EPHB1: variants seen among roughly 807,000 people sequenced by gnomAD.
The protein encoded by EPHB1 is EPH receptor B1, also known as ephrin type-B receptor 1.
Under a neutral mutation model 94.4 loss-of-function variants are expected in EPHB1, and 30 were observed. That is an observed-to-expected ratio of 0.32 (90% CI 0.24 to 0.43). The LOEUF (loss-of-function observed/expected upper bound fraction) is 0.43, where lower values mean the gene tolerates loss of function less well. Among genes scored for constraint, EPHB1 ranks in the 20% least tolerant of loss-of-function variants. The probability of loss-of-function intolerance (pLI) is 1.00; values close to 1 mark genes in which losing one functional copy is unlikely to be tolerated. For missense variants in EPHB1, 1,055 were observed against 1,308.3 expected (o/e 0.81, Z 2.99); for synonymous variants, 522 against 489.1 (o/e 1.07, Z -0.89).
At chr3:135,086,447 C>G (rs1301664030) in intron 3 of EPHB1, among the ~76,000 whole-genome samples, 1 of 151,698 alleles carries the variant, frequency 6.6e-6, no homozygotes, top group East Asian at 2.0e-4. Context: ...CACTCAGTCT[C>G]TCTCCTCACA....
chr3:135,038,925 G>T (rs891218401), intron 3 of EPHB1, among the ~76,000 whole-genome samples: 2 of 152,160 alleles, frequency 1.3e-5, no homozygotes, highest in African/African-American at 2.4e-5. Flanking sequence ...CTGATTGGTA[G>T]AGCCGAGTGG....
intron 2 of EPHB1, among the ~76,000 whole-genome samples, chr3:134,931,915 GTA>G (rs2107705108): frequency 6.6e-6 from 1 of 152,026 alleles, no homozygotes; most frequent in East Asian, 1.9e-4. Context: ...GTGTATATAT[GTA>G]TATGTGTGTA....
At chr3:135,226,810 C>T (rs1312244384) in intron 12 of EPHB1, among the ~76,000 whole-genome samples, 2 of 151,794 alleles carry the variant, frequency 1.3e-5, no homozygotes, top group Non-Finnish European at 2.9e-5. Context: ...AAAACCGATC[C>T]ATCATTTTCT....
intron 1 of EPHB1, among the ~76,000 whole-genome samples, chr3:134,855,081 T>G (rs537117142): frequency 9.2e-5 from 14 of 152,206 alleles, no homozygotes; most frequent in Non-Finnish European, 1.6e-4. Flanking sequence ...TTGACCTTAT[T>G]ATCCGTGGTG....
chr3:135,182,212 G>A (rs1942174049), intron 10 of EPHB1, among the ~76,000 whole-genome samples: 1 of 152,176 alleles, frequency 6.6e-6, no homozygotes, highest in Non-Finnish European at 1.5e-5. Flanking sequence ...CTGGTGTGAA[G>A]GTCAAATTGT....
intron 1 of EPHB1, among the ~76,000 whole-genome samples, chr3:134,900,573 C>T (rs1356742234): frequency 3.3e-5 from 5 of 152,108 alleles, no homozygotes; most frequent in Non-Finnish European, 7.4e-5. Context: ...CTTCCTCCTG[C>T]CCTCCTGCCT....
At chr3:134,986,711 AACAC>A (rs60628273) in intron 3 of EPHB1, among the ~76,000 whole-genome samples, 3,331 of 145,696 alleles carry the variant, frequency 0.023, 44 homozygotes, top group Non-Finnish European at 0.032. Flanking sequence ...TAAAGATATT[AACAC>A]ACACACACAC....
chr3:134,995,678 T>A (rs1934966182), intron 3 of EPHB1, among the ~76,000 whole-genome samples: 1 of 152,094 alleles, frequency 6.6e-6, no homozygotes, highest in African/African-American at 2.4e-5. Context: ...AAAACTGGAT[T>A]ACATCCATTG....
intron 3 of EPHB1, among the ~76,000 whole-genome samples, chr3:134,986,425 G>A (rs1198150030): frequency 6.6e-6 from 1 of 152,148 alleles, no homozygotes; most frequent in Non-Finnish European, 1.5e-5. Context: ...ATTGACATAT[G>A]TCTTGTCTGT....
chr3:134,882,777 T>C (rs918372333), intron 1 of EPHB1, among the ~76,000 whole-genome samples: 1 of 15,322 alleles, frequency 6.5e-5, no homozygotes, highest in African/African-American at 8.7e-5. Context: ...TTTCTTTCTT[T>C]CTTTCTTTCT....
chr3:135,220,453 G>C (rs1943249470), intron 12 of EPHB1, among the ~76,000 whole-genome samples: 1 of 152,116 alleles, frequency 6.6e-6, no homozygotes, highest in Non-Finnish European at 1.5e-5. Flanking sequence ...TTCTAATATT[G>C]CTCACTTAGA....
chr3:134,825,799 G>A (rs1460041985), intron 1 of EPHB1, among the ~76,000 whole-genome samples: 7 of 152,072 alleles, frequency 4.6e-5, no homozygotes, highest in Non-Finnish European at 8.8e-5. Context: ...ATCCTTTCAC[G>A]ATCCTTTTCT....
At chr3:135,000,319 G>T (rs1233729406) in intron 3 of EPHB1, among the ~76,000 whole-genome samples, 1 of 152,190 alleles carries the variant, frequency 6.6e-6, no homozygotes, top group East Asian at 1.9e-4. Context: ...AGGTGATGAG[G>T]CATCATCTCT....
At chr3:134,947,537 CA>C (rs1277107366) in intron 2 of EPHB1, among the ~76,000 whole-genome samples, 2 of 152,164 alleles carry the variant, frequency 1.3e-5, no homozygotes, top group African/African-American at 4.8e-5. Context: ...TTTGAATATG[CA>C]GCTGAATTTC....
intron 1 of EPHB1, among the ~76,000 whole-genome samples, chr3:134,918,808 G>A (rs2038621450): frequency 6.6e-6 from 1 of 152,204 alleles, no homozygotes; most frequent in Non-Finnish European, 1.5e-5. Context: ...ATACCTTCAT[G>A]ATATAGGGCT....
In EPHB1 at chr3:135,053,013, ATGTGTG is replaced by A. The variant is rs369600482; in HGVS notation, c.806-53425_806-53420del. ...TGTATATATATGTGTGTGTATATAT[ATGTGTG>A]TGTGTGTGTATATATATATATATAT... On this transcript the variant is annotated intron_variant, in intron 3 of 15. Coordinates refer to ENST00000398015, the MANE Select transcript of EPHB1 (RefSeq NM_004441.5). Among the ~76,000 whole-genome samples the A allele has an allele frequency of 8.8e-4, 63 of 71,674 alleles. 1 individual carries two copies. Among genetic ancestry groups the A allele is most frequent in the Middle Eastern group, 5.7e-3 (1 of 176 alleles). 47.0% of individuals were successfully genotyped at this position (71,674 alleles called of 152,430 possible).
intron 3 of EPHB1, among the ~76,000 whole-genome samples, chr3:135,082,999 A>G (rs900948391): frequency 5.3e-5 from 8 of 152,186 alleles, no homozygotes; most frequent in African/African-American, 1.7e-4. Flanking sequence ...GGCCTGAGCA[A>G]TTCTGCACGT....
intron 4 of EPHB1, among the ~76,000 whole-genome samples, chr3:135,113,955 A>G (rs535850573): frequency 6.6e-6 from 1 of 152,320 alleles, no homozygotes; most frequent in South Asian, 2.1e-4. Context: ...AAGGTTCAGT[A>G]GAAAAGTCAT....
intron 3 of EPHB1, among the ~76,000 whole-genome samples, chr3:135,077,776 A>C (rs1937995033): frequency 6.6e-6 from 1 of 152,208 alleles, no homozygotes; most frequent in South Asian, 2.1e-4. Context: ...TGGAAGTAGG[A>C]AGCTCAGGAG....
Sources: allele counts gnomAD v4.1 joint callset (sites outside exome capture counted in the v4.1 genomes callset), GRCh38; gene constraint gnomAD v4.1.1; transcripts MANE v1.5; gene names NCBI Gene and HGNC (gene_info 2026-07-23, HGNC 2026-07-21).